LRRC7: variants seen among roughly 807,000 people sequenced by gnomAD.
LRRC7 encodes the protein leucine-rich repeat-containing protein 7.
In LRRC7, 23 loss-of-function variants were observed where a neutral mutation model predicts 175.7. The ratio of observed to expected loss-of-function variants is 0.13; its 90% confidence interval spans 0.09 to 0.19. The LOEUF is 0.19. Ranked by LOEUF, LRRC7 falls within the 10% of genes least tolerant of loss-of-function variation. The probability of loss-of-function intolerance (pLI) is 1.00; values close to 1 mark genes in which losing one functional copy is unlikely to be tolerated. For missense variants in LRRC7, 1,354 were observed against 1,904.7 expected, an observed-to-expected ratio of 0.71 and a Z score of 5.38; for synonymous variants, 685 against 680.9, an observed-to-expected ratio of 1.01 and a Z score of -0.09.
rs537875190 is a variant in LRRC7, at chr1:69,917,824, T to C, written c.648-13683T>C. 8.5e-5 allele frequency among the ~76,000 whole-genome samples: 13 copies of C among 152,280 alleles called. No homozygotes were observed. The East Asian group carries it at 2.1e-3, about 25-fold the overall frequency. On this transcript the variant is annotated intron_variant, in intron 7 of 26. Coordinates refer to ENST00000651989, the MANE Select transcript of LRRC7 (RefSeq NM_001370785.2). ...TTTGGACCAAAATCTTTTAAATCCT[T>C]TGAGGTTGTATTGCATATATAAGAT...
chr1:69,749,421 A>T (rs564187603), intron 2 of LRRC7, among the ~76,000 whole-genome samples: 50 of 152,278 alleles, frequency 3.3e-4, no homozygotes, highest in African/African-American at 1.2e-3. Context: ...GATTTTTAAA[A>T]AGAAGACAAA....
chr1:70,117,937 A>G (rs1665965308), intron 26 of LRRC7, among the ~76,000 whole-genome samples: 1 of 152,130 alleles, frequency 6.6e-6, no homozygotes, highest in Non-Finnish European at 1.5e-5. Flanking sequence ...GTATGCATGT[A>G]TTTACTAATA....
intron 4 of LRRC7, among the ~76,000 whole-genome samples, chr1:69,802,393 G>A (rs907714001): frequency 6.0e-5 from 9 of 151,234 alleles, no homozygotes; most frequent in East Asian, 1.9e-4. Context: ...AAATCTGGGC[G>A]CTCCAGTGGT....
chr1:69,717,758 GAAAAAAAGAAAA>G (rs758486576), intron 2 of LRRC7, among the ~76,000 whole-genome samples: 2,038 of 37,662 alleles, frequency 0.054, 457 homozygotes, highest in African/African-American at 0.096. Context: ...ATTGGAACAT[GAAAAAAAGAAAA>G]AAAGAAAGAA....
At chr1:69,950,453 T>A (rs1040825607) in intron 8 of LRRC7, among the ~76,000 whole-genome samples, 2 of 151,954 alleles carry the variant, frequency 1.3e-5, no homozygotes, top group African/African-American at 4.8e-5. Flanking sequence ...GAGGCAAGAG[T>A]AGAAAATTAA....
At chr1:69,649,846 G>A (rs1344335716) in intron 1 of LRRC7, among the ~76,000 whole-genome samples, 1 of 138,472 alleles carries the variant, frequency 7.2e-6, no homozygotes, top group Non-Finnish European at 1.6e-5. Context: ...AAGAATCAAA[G>A]TGATTGAAAA....
chr1:69,791,701 G>A (rs999052533), intron 3 of LRRC7, among the ~76,000 whole-genome samples: 2 of 151,996 alleles, frequency 1.3e-5, no homozygotes, highest in African/African-American at 4.8e-5. Context: ...AATCCTGGTA[G>A]CTGTCAGAAT....
intron 11 of LRRC7, among the ~76,000 whole-genome samples, chr1:69,996,397 C>G (rs1654972487): frequency 6.6e-6 from 1 of 151,930 alleles, no homozygotes; most frequent in Non-Finnish European, 1.5e-5. Flanking sequence ...TGCAGAAGCT[C>G]TTTAATTAGA....
chr1:69,817,066 G>A, intron 4 of LRRC7, among the ~76,000 whole-genome samples: 1 of 151,718 alleles, frequency 6.6e-6, no homozygotes, highest in East Asian at 1.9e-4. Context: ...TATATTATAT[G>A]TATGTAGGTT....
intron 7 of LRRC7, among the ~76,000 whole-genome samples, chr1:69,905,564 A>G (rs1646276575): frequency 6.6e-6 from 1 of 152,122 alleles, no homozygotes; most frequent in Non-Finnish European, 1.5e-5. Context: ...AGTTTCATCC[A>G]TGTCTGTACA....
At chr1:69,600,571 T>C (rs1647013678) in intron 1 of LRRC7, among the ~76,000 whole-genome samples, 1 of 152,158 alleles carries the variant, frequency 6.6e-6, no homozygotes, top group African/African-American at 2.4e-5. Flanking sequence ...TGACTTTATA[T>C]TTTGAGTTAT....
intron 2 of LRRC7, among the ~76,000 whole-genome samples, chr1:69,742,385 G>GT (rs1668809049): frequency 6.6e-6 from 1 of 151,896 alleles, no homozygotes; most frequent in South Asian, 2.1e-4. Context: ...AATATTCAGT[G>GT]AAAAGATTTG....
chr1:70,036,602 C>T lies in LRRC7; in HGVS notation c.2266C>T (p.His756Tyr). 6.2e-7 allele frequency: 1 copy of T among 1,612,460 alleles called. No homozygotes were observed. Among genetic ancestry groups the T allele is most frequent in the Non-Finnish European group, 8.5e-7 (1 of 1,179,516 alleles). ...GCAGACAACAGCTAAAGATGCAGTACATAATTCTTTGTGGGGTAACAGGTG... is the reference window on the plus strand; with the variant it reads ...GCAGACAACAGCTAAAGATGCAGTATATAATTCTTTGTGGGGTAACAGGTG... Reference protein sequence around the residue: ...SLQTTAKDAVHNSLWGNRIAP... With the variant: ...SLQTTAKDAVYNSLWGNRIAP... The change falls in exon 20 of 27, where the codon CAT becomes TAT. Residue 756 changes from histidine to tyrosine, a missense_variant. Transcript: ENST00000651989.
At chr1:69,705,468 T>C (rs557057361) in intron 2 of LRRC7, among the ~76,000 whole-genome samples, 1 of 152,270 alleles carries the variant, frequency 6.6e-6, no homozygotes, top group South Asian at 2.1e-4. Flanking sequence ...GCCTCTAAAT[T>C]AAACATTTTC....
chr1:69,803,986 G>A (rs1032171570), intron 4 of LRRC7, among the ~76,000 whole-genome samples: 4 of 150,802 alleles, frequency 2.7e-5, no homozygotes, highest in African/African-American at 9.7e-5. Flanking sequence ...CTATTATTTG[G>A]TTTGTTTATT....
intron 10 of LRRC7, among the ~76,000 whole-genome samples, chr1:69,991,810 G>T (rs949879681): frequency 6.6e-6 from 1 of 152,062 alleles, no homozygotes; most frequent in Non-Finnish European, 1.5e-5. Flanking sequence ...TGAATGGAAT[G>T]ATATACTCAA....
Position 69,958,253 on chromosome 1 carries a change from T to C in LRRC7, c.712-22126T>C, listed in dbSNP as rs1012323780. Among the ~76,000 whole-genome samples the C allele has an allele frequency of 3.3e-5, 5 of 151,976 alleles. No homozygotes were observed. In the East Asian group the frequency reaches 7.7e-4, roughly 23 times the overall value. ...TCTCTAATTTGCTATCTGCCCTTTA[T>C]TGGCTGACTTTACTAGCTAAGTACT... On this transcript the variant is annotated intron_variant, in intron 8 of 26. Transcript: ENST00000651989.
At chr1:69,711,502 T>G (rs1557632662) in intron 2 of LRRC7, among the ~76,000 whole-genome samples, 1 of 152,220 alleles carries the variant, frequency 6.6e-6, no homozygotes, top group African/African-American at 2.4e-5. Flanking sequence ...ACTCAGTAAT[T>G]GAAAACCTAA....
intron 7 of LRRC7, among the ~76,000 whole-genome samples, chr1:69,895,011 G>A (rs901471673): frequency 1.3e-5 from 2 of 152,212 alleles, no homozygotes; most frequent in African/African-American, 2.4e-5. Context: ...CGGATCACCC[G>A]AGGTCGGGAG....
Sources: gnomAD v4.1 joint callset for allele counts (sites outside exome capture counted in the v4.1 genomes callset) on GRCh38, gnomAD v4.1.1 for gene constraint, MANE v1.5 for transcripts, NCBI Gene and HGNC (gene_info 2026-07-23, HGNC 2026-07-21) for gene names.